The following PDE1C variants were observed in gnomAD, a reference collection of about 807,000 sequenced individuals.
PDE1C encodes the protein dual specificity calcium/calmodulin-dependent 3',5'-cyclic nucleotide phosphodiesterase 1C.
PDE1C carries 62 observed loss-of-function variants against 93.1 expected under a neutral mutation model. The ratio of observed to expected loss-of-function variants is 0.67; its 90% CI spans 0.54 to 0.82. PDE1C has a LOEUF of 0.82. PDE1C is among the 40% of genes least tolerant of loss of function. The pLI is 0.00. For synonymous variants in PDE1C, 325 were observed against 310.1 expected (o/e 1.05, Z -0.50); for missense variants, 742 against 884.6 (o/e 0.84, Z 2.04).
chr7:32,089,453 G>A (rs1030217840), intron 3 of PDE1C, among the ~76,000 whole-genome samples: 3 of 152,098 alleles, frequency 2.0e-5, no homozygotes, highest in Admixed American at 6.5e-5. Context: ...TCTGACAATG[G>A]TACTATGATT....
chr7:32,144,939 C>T (rs1268654039), intron 3 of PDE1C, among the ~76,000 whole-genome samples: 1 of 152,160 alleles, frequency 6.6e-6, no homozygotes, highest in Non-Finnish European at 1.5e-5. Context: ...AGCAATGATA[C>T]AGTGAACCTT....
chr7:31,865,095 A>G lies in PDE1C; in HGVS notation c.610-13T>C. On this transcript the variant is annotated splice_polypyrimidine_tract_variant and intron_variant, in intron 6 of 17. Coordinates refer to ENST00000396191, the MANE Select transcript of PDE1C (RefSeq NM_001191057.4). Reference sequence around the variant, plus strand: ...CAGAAATGGGGATCTGAAAGAGAGCAGTAAGGTTAATTAACTAGTGACTTC... The same window carrying G: ...CAGAAATGGGGATCTGAAAGAGAGCGGTAAGGTTAATTAACTAGTGACTTC... 1 of 1,613,990 alleles carries G rather than the reference A, an allele frequency of 6.2e-7. No homozygotes were observed. The highest frequency in any genetic ancestry group is 1.3e-5 in the African/African-American group (1 of 75,060).
At chr7:32,037,293 T>C (rs1791236578) in intron 2 of PDE1C, among the ~76,000 whole-genome samples, 4 of 152,072 alleles carry the variant, frequency 2.6e-5, no homozygotes, top group Admixed American at 2.6e-4. Context: ...TATTAGGTGT[T>C]TTCTGTCTTT....
chr7:32,296,336 T>A (rs1352578375), intron 1 of PDE1C, among the ~76,000 whole-genome samples: 1 of 152,382 alleles, frequency 6.6e-6, no homozygotes, highest in South Asian at 2.1e-4. Flanking sequence ...CTAAGTCTGA[T>A]TTATCTTCAT....
At chr7:32,118,472 T>C (rs1799111526) in intron 3 of PDE1C, among the ~76,000 whole-genome samples, 1 of 152,210 alleles carries the variant, frequency 6.6e-6, no homozygotes, top group South Asian at 2.1e-4. Context: ...AAAATAAAAA[T>C]AAAACGTGAC....
intron 1 of PDE1C, among the ~76,000 whole-genome samples, chr7:32,281,537 G>C (rs1010239206): frequency 6.6e-6 from 1 of 152,100 alleles, no homozygotes; most frequent in Non-Finnish European, 1.5e-5. Flanking sequence ...GTGAGCCAAG[G>C]TGGTACCACT....
intron 6 of PDE1C, among the ~76,000 whole-genome samples, chr7:31,870,803 C>T (rs1795853374): frequency 6.6e-6 from 1 of 151,808 alleles, no homozygotes; most frequent in Admixed American, 6.6e-5. Flanking sequence ...GATGCAACAA[C>T]AATAAATCAA....
intron 3 of PDE1C, among the ~76,000 whole-genome samples, chr7:32,095,913 C>T (rs539475694): frequency 1.2e-4 from 18 of 152,300 alleles, no homozygotes; most frequent in African/African-American, 4.3e-4. Context: ...TCAACAGGTG[C>T]CAAGTCCCAA....
At chr7:32,241,145 C>T (rs1206855508) in intron 1 of PDE1C, among the ~76,000 whole-genome samples, 1 of 152,130 alleles carries the variant, frequency 6.6e-6, no homozygotes, top group Non-Finnish European at 1.5e-5. Flanking sequence ...ATGGTGGCAT[C>T]AAATAGTCAA....
chr7:31,997,355 A>G (rs1023002131), intron 2 of PDE1C, among the ~76,000 whole-genome samples: 2 of 152,220 alleles, frequency 1.3e-5, no homozygotes, highest in Non-Finnish European at 1.5e-5. Context: ...GATGCTTAAG[A>G]AATGTTGGTT....
intron 3 of PDE1C, among the ~76,000 whole-genome samples, chr7:32,159,041 G>T (rs192761543): frequency 4.6e-5 from 7 of 152,114 alleles, no homozygotes; most frequent in Non-Finnish European, 7.3e-5. Context: ...ATAATCCAGG[G>T]TGATCTGTTT....
At chr7:31,937,640 A>G (rs1366496358) in intron 2 of PDE1C, among the ~76,000 whole-genome samples, 1 of 152,182 alleles carries the variant, frequency 6.6e-6, no homozygotes, top group Non-Finnish European at 1.5e-5. Flanking sequence ...AAGGAATGAG[A>G]AAACAAGTCA....
intron 7 of PDE1C, among the ~76,000 whole-genome samples, chr7:31,856,851 T>G (rs909712696): frequency 1.2e-4 from 18 of 152,098 alleles, no homozygotes; most frequent in African/African-American, 4.3e-4. Context: ...CAACGGAAAT[T>G]TATTTTCTCA....
At chr7:31,838,596 A>T (rs1289861097) in intron 9 of PDE1C, among the ~76,000 whole-genome samples, 3 of 152,130 alleles carry the variant, frequency 2.0e-5, no homozygotes, top group Non-Finnish European at 4.4e-5. Context: ...AGTTTTGACA[A>T]ATGCATAATG....
At chr7:31,901,184 A>G (rs1254111405) in intron 2 of PDE1C, among the ~76,000 whole-genome samples, 1 of 151,596 alleles carries the variant, frequency 6.6e-6, no homozygotes, top group Non-Finnish European at 1.5e-5. Context: ...AATAAGACCA[A>G]AAAAGTAGGT....
intron 8 of PDE1C, among the ~76,000 whole-genome samples, chr7:31,849,862 A>G (rs1793108602): frequency 6.6e-6 from 1 of 152,150 alleles, no homozygotes; most frequent in Non-Finnish European, 1.5e-5. Context: ...GGGCAAGGAA[A>G]GTTTTATCCT....
intron 3 of PDE1C, among the ~76,000 whole-genome samples, chr7:32,082,355 C>A (rs1358763468): frequency 1.3e-5 from 2 of 152,350 alleles, no homozygotes; most frequent in African/African-American, 4.8e-5. Flanking sequence ...AACAAAGCAG[C>A]CGGGAAGCTC....
rs866770273 is a variant in PDE1C at position 31,850,723 on chromosome 7, C to G, written c.769G>C (p.Glu257Gln). The G allele has an allele frequency of 6.2e-7, 1 of 1,612,354 alleles. No individual in the cohort carries two copies. Among genetic ancestry groups the G allele is most frequent in the South Asian group, 1.1e-5 (1 of 91,046 alleles). The change falls in exon 8 of 18, where the codon GAG (glutamate) becomes CAG (glutamine). Residue 257 changes from glutamate to glutamine, a missense_variant. Around this residue, in one of 4 missense-constraint regions of PDE1C, gnomAD observed 205 missense variants for 295.3 expected, o/e 0.69. Transcript: ENST00000396191. ...GCTGAGAAGATTATAGCAAAGATCTCCAGCTCCGTCAGCCAGTTCTGAAAG... is the reference window on the plus strand; with the variant it reads ...GCTGAGAAGATTATAGCAAAGATCTGCAGCTCCGTCAGCCAGTTCTGAAAG... The part of the protein sequence containing the change: ...TGVANWLTEL[E>Q]IFAIIFSAAI...
At chr7:31,851,600 C>A (rs912071556) in intron 7 of PDE1C, among the ~76,000 whole-genome samples, 3 of 152,238 alleles carry the variant, frequency 2.0e-5, no homozygotes. Context: ...TGACTCAGGC[C>A]ACCTTCTCAT....
Sources: gnomAD v4.1 joint callset for allele counts (sites outside exome capture counted in the v4.1 genomes callset) on GRCh38, gnomAD v4.1.1 for gene constraint, gnomAD v4.1.1 regional missense constraint, MANE v1.5 for transcripts, NCBI Gene and HGNC (gene_info 2026-07-23, HGNC 2026-07-21) for gene names.